Variants in INPP5F observed in about 807,000 individuals in gnomAD.
INPP5F encodes the protein inositol polyphosphate-5-phosphatase F, also known as phosphatidylinositide 4-phosphatase SAC2.
In INPP5F, 97 loss-of-function variants were observed where a neutral mutation model predicts 137.2. The observed-to-expected ratio is 0.71, with a 90% confidence interval of 0.60 to 0.84. The LOEUF is 0.84. Among genes scored for constraint, INPP5F ranks in the 40% least tolerant of loss-of-function variants. INPP5F has a pLI of 0.00. For missense variants in INPP5F, 1,271 were observed against 1,371.9 expected, an observed-to-expected ratio of 0.93 and a Z score of 1.16; for synonymous variants, 504 against 476.9, an observed-to-expected ratio of 1.06 and a Z score of -0.74.
In INPP5F at chr10:119,827,095, C is replaced by T; in HGVS notation, c.2714C>T (p.Ser905Phe). 6.2e-7 allele frequency: 1 copy of T among 1,614,138 alleles called. No individual in the cohort carries two copies. Among genetic ancestry groups the T allele is most frequent in the Non-Finnish European group, 8.5e-7 (1 of 1,180,022 alleles). The change falls in exon 20 of 20, where the codon TCC (serine) becomes TTC (phenylalanine). Residue 905 changes from serine (S) to phenylalanine (F), a missense_variant. Ser to Phe is a radical substitution (Grantham distance 155, BLOSUM62 -2). This residue lies in a region of INPP5F where 490 missense variants were observed against 443.7 expected (regional missense o/e 1.10). Transcript: ENST00000650623. ...IASAPRLGSR[S>F]QSLSSTDSSV... ...TCAGCGCCTCGATTGGGCAGTCGGTCCCAGTCTCTTAGCAGCACAGATAGT... is the reference window on the plus strand; with the variant it reads ...TCAGCGCCTCGATTGGGCAGTCGGTTCCAGTCTCTTAGCAGCACAGATAGT...
chr10:119,813,808 G>A (rs12771318), intron 15 of INPP5F, among the ~76,000 whole-genome samples: 7,673 of 152,066 alleles, frequency 0.05, 322 homozygotes, highest in South Asian at 0.26. Flanking sequence ...ACCAGCCTGG[G>A]CAATGTAGTG....
At position 119,792,030 on chromosome 10, in the gene INPP5F, G is replaced by A; in HGVS notation, c.606G>A (p.Trp202Ter). Residue 202 changes from tryptophan (W) to a stop codon, truncating the protein, a stop_gained, in exon 5 of 20, where the codon TGG becomes TGA. Coordinates refer to ENST00000650623, the MANE Select transcript of INPP5F (RefSeq NM_014937.4). LOFTEE classifies it high-confidence loss of function. ...GGGAGAGGGACGGTCGGCCCCTCTGGCAGAAGGTACCACTCACAGCTCGTA... is the reference window on the plus strand; with the variant it reads ...GGGAGAGGGACGGTCGGCCCCTCTGACAGAAGGTACCACTCACAGCTCGTA... ...STGERDGRPLWQKVDDRFFWN... is the reference protein window; with the variant it reads ...STGERDGRPL 6.2e-7 allele frequency: 1 copy of A among 1,614,194 alleles called. No homozygotes were observed. Among genetic ancestry groups the A allele is most frequent in the Admixed American group, 1.7e-5 (1 of 60,024 alleles).
chr10:119,738,725 C>T (rs1848290143), intron 1 of INPP5F, among the ~76,000 whole-genome samples: 1 of 152,104 alleles, frequency 6.6e-6, no homozygotes, highest in Non-Finnish European at 1.5e-5. Flanking sequence ...GCAGCGAAGT[C>T]AGAGCAGCTC....
At chr10:119,745,610 C>T (rs1262224317) in intron 1 of INPP5F, among the ~76,000 whole-genome samples, 1 of 150,694 alleles carries the variant, frequency 6.6e-6, no homozygotes, top group African/African-American at 2.4e-5. Context: ...TTAGTTACAT[C>T]AACCTTGTGA....
At chr10:119,825,049 T>C (rs967603968) in intron 19 of INPP5F, among the ~76,000 whole-genome samples, 1 of 152,186 alleles carries the variant, frequency 6.6e-6, no homozygotes, top group Non-Finnish European at 1.5e-5. Context: ...ACTCCTTTAC[T>C]TCAGTTTTGT....
At chr10:119,804,964 T>C (rs899147386) in intron 10 of INPP5F, among the ~76,000 whole-genome samples, 2 of 152,172 alleles carry the variant, frequency 1.3e-5, no homozygotes, top group African/African-American at 4.8e-5. Flanking sequence ...TGACCTCAAG[T>C]CATCCGCCCA....
intron 14 of INPP5F, among the ~76,000 whole-genome samples, 156 bp from the exon 15 acceptor site, chr10:119,811,601 C>G (rs141221470): frequency 1.2e-3 from 181 of 152,160 alleles, no homozygotes; most frequent in African/African-American, 4.3e-3. Flanking sequence ...ATTTTAGTGT[C>G]ATATCTTAAA....
At chr10:119,798,720 G>T in intron 9 of INPP5F, 110 bp downstream of exon 9, 9 of 496,222 alleles carry the variant, frequency 1.8e-5, no homozygotes, top group Admixed American at 3.6e-5. Flanking sequence ...CATTTGTCAT[G>T]AAGTTTAACA....
intron 6 of INPP5F, among the ~76,000 whole-genome samples, chr10:119,795,123 G>A (rs1341871509): frequency 6.9e-6 from 1 of 144,710 alleles, no homozygotes; most frequent in Non-Finnish European, 1.5e-5. Context: ...CTGGCCGGGC[G>A]GGGGGCTGAC....
chr10:119,823,829 A>G lies in INPP5F; in HGVS notation c.2176A>G (p.Ile726Val), dbSNP rs760565175. 1.3e-5 allele frequency: 21 copies of G among 1,613,920 alleles called. No homozygotes were observed. The highest frequency in any genetic ancestry group is 1.8e-5 in the Non-Finnish European group (21 of 1,179,856). ...EEDGKDTLQC[I>V]AEMLQITKQA... Reference sequence around the variant, plus strand: ...TTGGGTTGCAGATACCCTTCAGTGCATTGCAGAGATGCTGCAGATCACCAA... The same window carrying G: ...TTGGGTTGCAGATACCCTTCAGTGCGTTGCAGAGATGCTGCAGATCACCAA... Residue 726 changes from isoleucine to valine, a missense_variant, in exon 19 of 20, where the codon ATT (isoleucine) becomes GTT (valine). Physicochemically the swap from Ile to Val is conservative, Grantham distance 29. This residue lies in a region of INPP5F where 593 missense variants were observed against 712.4 expected (regional missense o/e 0.83). Coordinates refer to ENST00000650623, the MANE Select transcript of INPP5F (RefSeq NM_014937.4).
chr10:119,795,276 G>A (rs946765748), intron 6 of INPP5F, among the ~76,000 whole-genome samples: 3 of 149,794 alleles, frequency 2.0e-5, no homozygotes, highest in African/African-American at 4.9e-5. Context: ...TACCTCCCTC[G>A]CGGACGAGGT....
chr10:119,813,659 A>G (rs1198437677), intron 15 of INPP5F, among the ~76,000 whole-genome samples: 1 of 152,144 alleles, frequency 6.6e-6, no homozygotes, highest in Non-Finnish European at 1.5e-5. Context: ...AAAAAACTCA[A>G]AAAAACACTA....
intron 2 of INPP5F, among the ~76,000 whole-genome samples, chr10:119,777,618 T>G (rs1395064363): frequency 1.3e-5 from 2 of 152,198 alleles, no homozygotes; most frequent in African/African-American, 4.8e-5. Context: ...TCAACAAAAT[T>G]TATTGACATT....
intron 2 of INPP5F, among the ~76,000 whole-genome samples, chr10:119,769,128 A>G (rs976527360): frequency 2.0e-5 from 3 of 152,182 alleles, no homozygotes; most frequent in Admixed American, 1.3e-4. Context: ...TATATTCCCT[A>G]TATAATGTTA....
chr10:119,775,352 C>T (rs555352166), intron 2 of INPP5F, among the ~76,000 whole-genome samples: 165 of 152,204 alleles, frequency 1.1e-3, no homozygotes, highest in African/African-American at 3.8e-3. Context: ...CGACCTCTCT[C>T]GGCTCAGGTG....
chr10:119,803,925 T>C (rs1327517828), intron 9 of INPP5F, among the ~76,000 whole-genome samples: 1 of 152,228 alleles, frequency 6.6e-6, no homozygotes, highest in African/African-American at 2.4e-5. Context: ...ATTGCAAATA[T>C]ATAGAAAAGC....
chr10:119,786,709 G>C (rs1340491299), intron 3 of INPP5F, among the ~76,000 whole-genome samples: 2 of 151,802 alleles, frequency 1.3e-5, no homozygotes, highest in Non-Finnish European at 2.9e-5. Context: ...TGAAGAGATG[G>C]GGTCTCACTA....
At chr10:119,765,892 G>T (rs471553) in intron 2 of INPP5F, among the ~76,000 whole-genome samples, 2,230 of 148,830 alleles carry the variant, frequency 0.015, 60 homozygotes, top group African/African-American at 0.053. Context: ...GAGAGAGAGA[G>T]AGAGAGACGG....
chr10:119,814,659 A>C (rs528619493), intron 15 of INPP5F: 1 of 152,252 alleles, frequency 6.6e-6, no homozygotes, highest in Non-Finnish European at 1.5e-5. Context: ...TTTTCAGCAC[A>C]TGGGGCTACC....
Sources: allele counts gnomAD v4.1 joint callset (sites outside exome capture counted in the v4.1 genomes callset), GRCh38; gene constraint gnomAD v4.1.1; regional missense constraint gnomAD v4.1.1; transcripts MANE v1.5; gene names NCBI Gene and HGNC (gene_info 2026-07-23, HGNC 2026-07-21).